Variants in MTUS2 observed in about 807,000 individuals in gnomAD.
MTUS2 encodes the protein microtubule associated scaffold protein 2, also known as microtubule-associated tumor suppressor candidate 2.
MTUS2 carries 40 observed loss-of-function variants against 114.1 expected under a neutral mutation model. The ratio of observed to expected loss-of-function variants is 0.35; its 90% CI spans 0.27 to 0.46. The LOEUF (loss-of-function observed/expected upper bound fraction) is 0.46, where lower values mean the gene tolerates loss of function less well. MTUS2 is among the 20% of genes least tolerant of loss of function. MTUS2 has a pLI of 1.00. For synonymous variants in MTUS2, 688 were observed against 672.0 expected (o/e 1.02, Z -0.37); for missense variants, 1,679 against 1,705.4 (o/e 0.98, Z 0.27).
At chr13:29,033,137 T>G (rs1886903595) in intron 3 of MTUS2, among the ~76,000 whole-genome samples, 1 of 152,202 alleles carries the variant, frequency 6.6e-6, no homozygotes, top group Non-Finnish European at 1.5e-5. Context: ...AATAAATATT[T>G]ATTGACTTTA....
chr13:29,114,005 C>T (rs1316449130), intron 5 of MTUS2, among the ~76,000 whole-genome samples: 1 of 152,102 alleles, frequency 6.6e-6, no homozygotes, highest in African/African-American at 2.4e-5. Flanking sequence ...GTGACACCTC[C>T]CCCTGTCTCT....
chr13:29,160,867 CAACAACCT>C (rs909559812), intron 5 of MTUS2, among the ~76,000 whole-genome samples: 1 of 152,150 alleles, frequency 6.6e-6, no homozygotes, highest in African/African-American at 2.4e-5. Context: ...CTGATAAACA[CAACAACCT>C]TGATGAATCT....
intron 2 of MTUS2, among the ~76,000 whole-genome samples, chr13:29,007,066 T>C (rs925266465): frequency 6.6e-6 from 1 of 152,196 alleles, no homozygotes; most frequent in Non-Finnish European, 1.5e-5. Context: ...AGACATCCAA[T>C]ACAGTGATCC....
chr13:29,470,878 A>G (rs958057486), intron 9 of MTUS2, among the ~76,000 whole-genome samples: 1 of 152,058 alleles, frequency 6.6e-6, no homozygotes, highest in Non-Finnish European at 1.5e-5. Flanking sequence ...CCCTTTCCCC[A>G]TCTCTCCACA....
intron 5 of MTUS2, among the ~76,000 whole-genome samples, chr13:29,234,346 C>T (rs917556418): frequency 1.2e-4 from 19 of 152,074 alleles, no homozygotes; most frequent in Non-Finnish European, 7.4e-5. Context: ...GGTAAATGCA[C>T]ATAGACTTGT....
chr13:29,231,746 T>C (rs1157625523), intron 5 of MTUS2, among the ~76,000 whole-genome samples: 1 of 152,222 alleles, frequency 6.6e-6, no homozygotes, highest in Non-Finnish European at 1.5e-5. Context: ...TTTTTTCTCA[T>C]GTTATTAAGT....
intron 6 of MTUS2, among the ~76,000 whole-genome samples, chr13:29,306,003 A>T (rs9550458): frequency 0.078 from 11,837 of 152,268 alleles, 799 homozygotes; most frequent in East Asian, 0.36. Flanking sequence ...AATAAATGTG[A>T]TTCATCACAT....
intron 5 of MTUS2, among the ~76,000 whole-genome samples, chr13:29,225,853 C>G (rs565880347): frequency 6.6e-6 from 1 of 152,138 alleles, no homozygotes; most frequent in East Asian, 1.9e-4. Context: ...ATGTACCATA[C>G]TCTGTGTAAT....
Position 29,366,195 on chromosome 13 carries a change from TC to T in MTUS2, c.3117+6723del, listed in dbSNP as rs760917991. On this transcript the variant is annotated intron_variant, in intron 8 of 15. Coordinates refer to ENST00000612955, the MANE Select transcript of MTUS2 (RefSeq NM_001033602.4). ...TACAAAAGAAAGAGGTTTAATGAAC[TC>T]ACAGTTCCACGTGGCTGGGAAGGCC... Among the ~76,000 whole-genome samples the T allele has an allele frequency of 1.2e-4, 18 of 152,274 alleles. 1 individual carries two copies. The East Asian group carries it at 1.4e-3, about 11-fold the overall frequency.
rs528568878 is a variant in MTUS2, at chr13:29,092,747, G to T, written c.2447-8026G>T. ...GGGCAGAGACGTCATTGGCCATGGA[G>T]GTCTCTGGCTGGCAAAGTGACAGAA... is the stretch of plus-strand genomic sequence containing the variant. On this transcript the variant is annotated intron_variant, in intron 4 of 15. Coordinates refer to ENST00000612955, the MANE Select transcript of MTUS2 (RefSeq NM_001033602.4). Among the ~76,000 whole-genome samples the T allele has an allele frequency of 4.6e-5, 7 of 151,918 alleles. No homozygotes were observed. In the East Asian group the frequency reaches 1.2e-3, roughly 26 times the overall value.
At chr13:29,254,834 T>C (rs1270756918) in intron 5 of MTUS2, among the ~76,000 whole-genome samples, 1 of 152,230 alleles carries the variant, frequency 6.6e-6, no homozygotes, top group African/African-American at 2.4e-5. Flanking sequence ...TTTTGTACTC[T>C]TGATCCAGAA....
intron 5 of MTUS2, among the ~76,000 whole-genome samples, chr13:29,110,169 C>T (rs751008026): frequency 4.8e-4 from 73 of 152,206 alleles, no homozygotes; most frequent in Non-Finnish European, 9.0e-4. Flanking sequence ...CATACTTATG[C>T]GAGGTGACTA....
chr13:29,167,234 G>A (rs1024773643), intron 5 of MTUS2, among the ~76,000 whole-genome samples: 11 of 152,064 alleles, frequency 7.2e-5, no homozygotes, highest in African/African-American at 2.7e-4. Context: ...AATTAGCCGG[G>A]TGTGGTTGCG....
At chr13:29,218,391 T>G (rs1275522553) in intron 5 of MTUS2, among the ~76,000 whole-genome samples, 1 of 152,226 alleles carries the variant, frequency 6.6e-6, no homozygotes, top group East Asian at 1.9e-4. Flanking sequence ...AAGTCCTCTA[T>G]GTGGGTTGGA....
chr13:28,983,346 G>A lies in MTUS2; in HGVS notation c.-242-41111G>A, dbSNP rs371336684. On this transcript the variant is annotated intron_variant, in intron 2 of 15. Coordinates refer to ENST00000612955, the MANE Select transcript of MTUS2 (RefSeq NM_001033602.4). The stretch of plus-strand genomic sequence containing the variant: ...TCTTCTGTAACTTCTGTCCAGGACA[G>A]TGGCCAGAAGCCATGTGTGGCTGTT... 3.0e-4 allele frequency among the ~76,000 whole-genome samples: 46 copies of A among 152,322 alleles called. 1 individual carries two copies. Among genetic ancestry groups the A allele is most frequent in the African/African-American group, 1.1e-3 (44 of 41,576 alleles).
chr13:29,199,997 G>A (rs1229662375), intron 5 of MTUS2, among the ~76,000 whole-genome samples: 2 of 151,692 alleles, frequency 1.3e-5, no homozygotes, highest in African/African-American at 4.8e-5. Context: ...GAGTATTCTC[G>A]GATAGTAGTT....
intron 6 of MTUS2, among the ~76,000 whole-genome samples, chr13:29,295,296 C>G (rs1333961349): frequency 6.6e-6 from 1 of 152,090 alleles, no homozygotes; most frequent in Non-Finnish European, 1.5e-5. Context: ...AATCTTCTAG[C>G]TATTTGAGAA....
intron 2 of MTUS2, among the ~76,000 whole-genome samples, chr13:28,847,757 T>C (rs1941389840): frequency 1.3e-5 from 2 of 152,174 alleles, no homozygotes; most frequent in South Asian, 4.1e-4. Flanking sequence ...TAGGGCACTG[T>C]CCAAGGAAAC....
chr13:29,074,407 C>G (rs1889088926), intron 4 of MTUS2, among the ~76,000 whole-genome samples: 1 of 152,130 alleles, frequency 6.6e-6, no homozygotes, highest in Non-Finnish European at 1.5e-5. Context: ...ACTTAGCACC[C>G]TTTAGTGTCA....
Sources: allele counts gnomAD v4.1 joint callset (sites outside exome capture counted in the v4.1 genomes callset), GRCh38; gene constraint gnomAD v4.1.1; transcripts MANE v1.5; gene names NCBI Gene and HGNC (gene_info 2026-07-23, HGNC 2026-07-21).